Variants in ACTN1 observed in about 807,000 individuals in gnomAD.
ACTN1 encodes alpha-actinin-1.
A neutral mutation model predicts 119.6 loss-of-function variants in ACTN1; 30 were observed. The ratio of observed to expected loss-of-function variants is 0.25; its 90% confidence interval spans 0.19 to 0.34. ACTN1 has a LOEUF of 0.34. Among genes scored for constraint, ACTN1 ranks in the 10% least tolerant of loss-of-function variants. The pLI, the probability that ACTN1 is intolerant of heterozygous loss-of-function variation, is 1.00. For synonymous variants in ACTN1, 429 were observed against 472.6 expected, an observed-to-expected ratio of 0.91 and a Z score of 1.20; for missense variants, 764 against 1,223.4, an observed-to-expected ratio of 0.62 and a Z score of 5.60.
intron 6 of ACTN1, among the ~76,000 whole-genome samples, chr14:68,907,944 T>C (rs985378656): frequency 6.6e-6 from 1 of 151,942 alleles, no homozygotes; most frequent in Non-Finnish European, 1.5e-5. Context: ...CTGCCACCTG[T>C]AGAATATTCC....
intron 12 of ACTN1, 71 bp from the exon 13 acceptor site, chr14:68,884,954 G>T: frequency 7.6e-7 from 1 of 1,311,808 alleles, no homozygotes. Flanking sequence ...TCTCTCTGAG[G>T]CTGTCAGTGG....
At position 68,977,788 on chromosome 14, in the gene ACTN1, C is replaced by T. The variant is rs1002827351; in HGVS notation, c.105+1164G>A. The stretch of plus-strand genomic sequence containing the variant: ...GCCCTAACCGCACTATCCAAAGGGA[C>T]GCGCCATCCTGTCCCCCCCCCACCC... On this transcript the variant is annotated intron_variant, in intron 1 of 21. Transcript: ENST00000394419. 6 of 339,632 alleles carry T rather than the reference C, an allele frequency of 1.8e-5. No individual in the cohort carries two copies. The Admixed American group carries it at 2.4e-4, about 14-fold the overall frequency. The allele number at this position is 339,632 out of a possible 1,614,324, so 21.0% of individuals were successfully genotyped here.
rs567016800 is a variant in ACTN1, at chr14:68,959,173, A to T, written c.105+19779T>A. 3.2e-4 allele frequency among the ~76,000 whole-genome samples: 49 copies of T among 152,338 alleles called. 1 individual carries two copies. The highest frequency in any genetic ancestry group is 3.1e-3 in the Admixed American group (48 of 15,306). On this transcript the variant is annotated intron_variant, in intron 1 of 21. Transcript: ENST00000394419. ...TCCTGTCAAACAACTGCCACGACAGAGTCTCCAAGAAGTGCTCAAGAGTAT... is the reference window on the plus strand; with the variant it reads ...TCCTGTCAAACAACTGCCACGACAGTGTCTCCAAGAAGTGCTCAAGAGTAT...
intron 1 of ACTN1, among the ~76,000 whole-genome samples, chr14:68,945,672 G>C (rs887379155): frequency 6.6e-6 from 1 of 152,166 alleles, no homozygotes; most frequent in Non-Finnish European, 1.5e-5. Flanking sequence ...CAGGAGAGAC[G>C]GGGAGGAGGG....
intron 3 of ACTN1, among the ~76,000 whole-genome samples, chr14:68,915,001 A>C (rs2034207410): frequency 6.6e-6 from 1 of 152,196 alleles, no homozygotes; most frequent in South Asian, 2.1e-4. Flanking sequence ...ATCTATCCCT[A>C]GCCAATGAAA....
intron 11 of ACTN1, 103 bp downstream of exon 11, chr14:68,890,036 A>G: frequency 6.7e-7 from 1 of 1,495,014 alleles, no homozygotes; most frequent in Non-Finnish European, 8.9e-7. Flanking sequence ...AAGAGACCAA[A>G]TGAAACAAAT....
intron 21 of ACTN1, 100 bp from the exon 22 acceptor site, chr14:68,875,117 T>G: frequency 1.9e-6 from 3 of 1,560,290 alleles, no homozygotes; most frequent in Admixed American, 1.9e-5. Context: ...AGGCAGCATG[T>G]GCCGTTTGCA....
At chr14:68,918,786 A>G (rs723114) in intron 3 of ACTN1, among the ~76,000 whole-genome samples, 1 of 151,184 alleles carries the variant, frequency 6.6e-6, no homozygotes, top group Non-Finnish European at 1.5e-5. Flanking sequence ...GGGAGGCAGC[A>G]CTGCCGACAG....
rs116649664 is a variant in ACTN1 at position 68,882,411 on chromosome 14, G to C, written c.1953+47C>G. 6.1e-5 allele frequency: 98 copies of C among 1,603,914 alleles called. No individual in the cohort carries two copies. Among genetic ancestry groups the C allele is most frequent in the Middle Eastern group, 3.7e-4 (2 of 5,378 alleles). ...GCCTGGCTGGCTAGGATAGTGTCGG[G>C]GGGGAGGGGTGGGAGCCCCAGCACT... On this transcript the variant is annotated intron_variant, in intron 16 of 21. Transcript: ENST00000394419. The surrounding 1 kb of genome is among the most constrained non-coding windows in gnomAD (Gnocchi z 4.5).
intron 3 of ACTN1, among the ~76,000 whole-genome samples, chr14:68,916,706 G>A (rs1486636989): frequency 6.6e-6 from 1 of 152,004 alleles, no homozygotes; most frequent in Non-Finnish European, 1.5e-5. Context: ...CCCAAAGGGA[G>A]GGTTCCAAGG....
Position 68,901,856 on chromosome 14 carries a change from G to A in ACTN1, c.762+621C>T, listed in dbSNP as rs74643971. ...AGGACACTTGACGGGGCTCACAGCT[G>A]CCCACCGCCTCTCCCTTCCTCCCAG... On this transcript the variant is annotated intron_variant, in intron 8 of 21. Transcript: ENST00000394419. Among the ~76,000 whole-genome samples, 1,113 of 152,304 alleles carry A rather than the reference G, an allele frequency of 7.3e-3. 16 individuals carry two copies. Among genetic ancestry groups the A allele is most frequent in the African/African-American group, 0.026 (1,062 of 41,560 alleles).
chr14:68,920,875 G>C, intron 3 of ACTN1, 131 bp downstream of exon 3: 4 of 1,256,280 alleles, frequency 3.2e-6, no homozygotes, highest in Non-Finnish European at 3.3e-6. Context: ...CGACCAGATG[G>C]AGGTGCTGGG....
At chr14:68,945,700 A>G (rs1016922849) in intron 1 of ACTN1, among the ~76,000 whole-genome samples, 1 of 152,164 alleles carries the variant, frequency 6.6e-6, no homozygotes, top group African/African-American at 2.4e-5. Flanking sequence ...CCACACCCAG[A>G]TTTTCAGACC....
rs747970717 is a variant in ACTN1, at chr14:68,892,255, G to A, written c.884C>T (p.Pro295Leu). 25 of 1,613,718 alleles carry A rather than the reference G, an allele frequency of 1.5e-5. No individual in the cohort carries two copies. The highest frequency in any genetic ancestry group is 9.9e-5 in the South Asian group (9 of 91,068). ...DLLEWIRRTI[P>L]WLENRVPENT... ...CTCGGGCACCCGGTTCTCCAGCCAC[G>A]GGATTGTGCGGCGGATCCACTCCAA... The change falls in exon 10 of 22, where the codon CCG (proline) becomes CTG (leucine). Residue 295 changes from proline (P) to leucine (L), a missense_variant. Pro to Leu is a moderately conservative substitution (Grantham distance 98). Coordinates refer to ENST00000394419, the MANE Select transcript of ACTN1 (RefSeq NM_001130004.2).
chr14:68,891,929 G>A, intron 10 of ACTN1, 124 bp downstream of exon 10: 1 of 1,227,098 alleles, frequency 8.1e-7, no homozygotes, highest in Non-Finnish European at 1.1e-6. Context: ...CTGGAGCAGT[G>A]TATGTAGGTA....
chr14:68,973,380 G>T (rs1349697899), intron 1 of ACTN1, among the ~76,000 whole-genome samples: 1 of 152,196 alleles, frequency 6.6e-6, no homozygotes, highest in Non-Finnish European at 1.5e-5. Context: ...TCTCGTGAGA[G>T]TGAGTTCTCA....
chr14:68,913,516 A>G (rs2034121481), intron 3 of ACTN1, among the ~76,000 whole-genome samples: 1 of 152,242 alleles, frequency 6.6e-6, no homozygotes, highest in Non-Finnish European at 1.5e-5. Flanking sequence ...CCCTGAAACA[A>G]GAGTGGATTT....
rs1218137330 is a variant in ACTN1 at position 68,878,154 on chromosome 14, C to T, written c.2427+304G>A. On this transcript the variant is annotated intron_variant, in intron 20 of 21. Transcript: ENST00000394419. The surrounding 1 kb of genome is among the most constrained non-coding windows in gnomAD (Gnocchi z 4.4). ...CCAGCCCGAAACCTGGGATGTCCCA[C>T]ACCACCAGTCCTTCCTGCCAGCCTC... The T allele has an allele frequency of 1.3e-5, 4 of 313,042 alleles. No individual in the cohort carries two copies. Among genetic ancestry groups the T allele is most frequent in the Non-Finnish European group, 2.4e-5 (4 of 169,990 alleles). 19.4% of individuals were successfully genotyped at this position (313,042 alleles called of 1,614,324 possible). A position where few individuals can be genotyped will look rare whatever the true frequency, so the allele number is the denominator to read the frequency against.
intron 1 of ACTN1, among the ~76,000 whole-genome samples, chr14:68,967,934 T>C (rs2036757495): frequency 6.6e-6 from 1 of 152,208 alleles, no homozygotes; most frequent in South Asian, 2.1e-4. Flanking sequence ...AGCCATAAAA[T>C]ATAAACTCAT....
Sources: allele counts gnomAD v4.1 joint callset (sites outside exome capture counted in the v4.1 genomes callset), GRCh38; gene constraint gnomAD v4.1.1; non-coding constraint Gnocchi (gnomAD v3.1); transcripts MANE v1.5; gene names NCBI Gene and HGNC (gene_info 2026-07-23, HGNC 2026-07-21).